Variants in CIDEA observed in about 807,000 individuals in gnomAD.
CIDEA encodes the protein lipid transferase CIDEA.
A neutral mutation model predicts 18.2 loss-of-function variants in CIDEA; 10 were observed. The observed-to-expected ratio is 0.55, with a 90% CI of 0.34 to 0.93. The LOEUF (loss-of-function observed/expected upper bound fraction) is 0.93, where lower values mean the gene tolerates loss of function less well. CIDEA is among the 40% of genes least tolerant of loss of function. The pLI is 0.02. For synonymous variants in CIDEA, 128 were observed against 124.8 expected (o/e 1.03, Z -0.17); for missense variants, 309 against 293.1 (o/e 1.05, Z -0.40).
intron 1 of CIDEA, among the ~76,000 whole-genome samples, chr18:12,260,355 A>G (rs534777321): frequency 7.1e-6 from 1 of 140,130 alleles, no homozygotes; most frequent in African/African-American, 2.5e-5. Context: ...TTTTTTTTCA[A>G]TTTATTTTTT....
chr18:12,272,139 A>AGT (rs1306706787), intron 3 of CIDEA, among the ~76,000 whole-genome samples: 1,769 of 8,444 alleles, frequency 0.21, 235 homozygotes, highest in East Asian at 0.29. Flanking sequence ...CTCAGCTTTG[A>AGT]GTGTGTGTGT....
chr18:12,263,003 C>T, intron 2 of CIDEA, 34 bp downstream of exon 2: 1 of 1,608,754 alleles, frequency 6.2e-7, no homozygotes, highest in African/African-American at 1.3e-5. Flanking sequence ...CCCCAGTCCA[C>T]AGGGGTGCCC....
intron 3 of CIDEA, among the ~76,000 whole-genome samples, chr18:12,267,024 G>A (rs1286736807): frequency 2.6e-5 from 4 of 152,154 alleles, no homozygotes; most frequent in African/African-American, 9.7e-5. Context: ...CTCCCAAAGT[G>A]CTGGGATTAC....
rs544116580 is a variant in CIDEA at position 12,276,748 on chromosome 18, C to T, written c.513-375C>T. On this transcript the variant is annotated intron_variant, in intron 4 of 4. Transcript: ENST00000320477. ...AGGGCCCCTAGAACAGCCCAGCAGC[C>T]GAAGCCCAGGACACAGCACACCTGT... 2.2e-3 allele frequency among the ~76,000 whole-genome samples: 328 copies of T among 152,318 alleles called. 1 individual carries two copies. The highest frequency in any genetic ancestry group is 4.4e-3 in the South Asian group (21 of 4,824).
chr18:12,275,255 G>A (rs79877641), intron 4 of CIDEA, among the ~76,000 whole-genome samples: 6 of 152,302 alleles, frequency 3.9e-5, no homozygotes, highest in Admixed American at 2.0e-4. Flanking sequence ...CCCAGGAGGC[G>A]GAGGTTGCAG....
At chr18:12,266,484 A>C (rs1912352118) in intron 3 of CIDEA, among the ~76,000 whole-genome samples, 1 of 152,192 alleles carries the variant, frequency 6.6e-6, no homozygotes, top group Non-Finnish European at 1.5e-5. Flanking sequence ...AAAAGGAACA[A>C]GAGCTAATAA....
chr18:12,275,538 GT>G, intron 4 of CIDEA, among the ~76,000 whole-genome samples: 1 of 152,332 alleles, frequency 6.6e-6, no homozygotes, highest in African/African-American at 2.4e-5. Flanking sequence ...AAGTCGAAAA[GT>G]TTTGCAGCTG....
intron 4 of CIDEA, among the ~76,000 whole-genome samples, chr18:12,275,620 C>T (rs192435752): frequency 3.3e-5 from 5 of 152,294 alleles, no homozygotes; most frequent in East Asian, 3.9e-4. Flanking sequence ...GTGTTGTTTC[C>T]GTCCCCCGTG....
At chr18:12,259,160 G>A (rs796437041) in intron 1 of CIDEA, among the ~76,000 whole-genome samples, 8 of 152,324 alleles carry the variant, frequency 5.3e-5, no homozygotes, top group African/African-American at 1.9e-4. Flanking sequence ...CCTGGCAAAC[G>A]TGTGCGGGTC....
intron 3 of CIDEA, among the ~76,000 whole-genome samples, chr18:12,267,562 C>T (rs1912385890): frequency 6.6e-6 from 1 of 152,222 alleles, no homozygotes; most frequent in Admixed American, 6.5e-5. Context: ...GGCATGATCT[C>T]GGCTCACTGC....
chr18:12,258,555 T>C (rs957779001), intron 1 of CIDEA, among the ~76,000 whole-genome samples: 2 of 152,198 alleles, frequency 1.3e-5, no homozygotes, highest in Non-Finnish European at 2.9e-5. Flanking sequence ...TGTGCAAGAC[T>C]GTGGTGACTT....
chr18:12,267,037 G>T (rs1912370452), intron 3 of CIDEA, among the ~76,000 whole-genome samples: 1 of 152,182 alleles, frequency 6.6e-6, no homozygotes, highest in African/African-American at 2.4e-5. Flanking sequence ...GGGATTACAG[G>T]TGTGAGCCAC....
In CIDEA at chr18:12,262,948, C is replaced by T; in HGVS notation, c.162C>T (p.Ser54=). 1.2e-6 allele frequency: 2 copies of T among 1,614,120 alleles called. No homozygotes were observed. The highest frequency in any genetic ancestry group is 2.2e-5 in the East Asian group (1 of 44,882). ...GCCGGCGTGGGGTGATGGCAAGCAGCCTGCAGGAGCTCATCAGCAAGGTGC... is the reference window on the plus strand; with the variant it reads ...GCCGGCGTGGGGTGATGGCAAGCAGTCTGCAGGAGCTCATCAGCAAGGTGC... ...RSSRRGVMAS[S]LQELISKTLD... is the part of the protein sequence containing the mutation. Residue 54 remains serine, a synonymous_variant, in exon 2 of 5, where the codon AGC becomes AGT. Coordinates refer to ENST00000320477, the MANE Select transcript of CIDEA (RefSeq NM_001279.4).
intron 1 of CIDEA, chr18:12,255,106 C>T (rs563952395): frequency 5.1e-5 from 19 of 370,066 alleles, no homozygotes; most frequent in African/African-American, 3.4e-4. Flanking sequence ...GCAGCATTGG[C>T]TATTTTCCTG....
At chr18:12,256,365 A>C (rs1912034581) in intron 1 of CIDEA, among the ~76,000 whole-genome samples, 1 of 152,208 alleles carries the variant, frequency 6.6e-6, no homozygotes, top group Non-Finnish European at 1.5e-5. Context: ...GAACCGAATC[A>C]ATGTGCACAA....
chr18:12,254,468 TG>T, intron 1 of CIDEA, 47 bp downstream of exon 1: 1 of 1,585,358 alleles, frequency 6.3e-7, no homozygotes. Context: ...CCAATCGCCT[TG>T]CGTTCGGTGG....
In CIDEA at chr18:12,277,366, A is replaced by G. The variant is rs1232898876; in HGVS notation, c.*96A>G. 1.8e-5 allele frequency: 24 copies of G among 1,350,302 alleles called. No homozygotes were observed. Among genetic ancestry groups the G allele is most frequent in the Non-Finnish European group, 2.3e-5 (22 of 974,522 alleles). The allele number at this position is 1,350,302 out of a possible 1,614,324, so 83.6% of individuals were successfully genotyped here. On this transcript the variant is annotated 3_prime_UTR_variant, in exon 5 of 5. Transcript: ENST00000320477. ...TGCTTTTATGTTCTGAGCCACATGCACTTGGAGGCCGCTGGTCACGCTGCT... is the reference window on the plus strand; with the variant it reads ...TGCTTTTATGTTCTGAGCCACATGCGCTTGGAGGCCGCTGGTCACGCTGCT...
intron 4 of CIDEA, among the ~76,000 whole-genome samples, 192 bp from the exon 5 acceptor site, chr18:12,276,931 C>T (rs1219377216): frequency 6.6e-6 from 1 of 152,218 alleles, no homozygotes; most frequent in Non-Finnish European, 1.5e-5. Context: ...TGGCCAGACC[C>T]ACTGCCACGG....
intron 1 of CIDEA, among the ~76,000 whole-genome samples, chr18:12,255,358 G>T (rs1334316167): frequency 6.6e-6 from 1 of 152,144 alleles, no homozygotes. Context: ...GAAAGGGAGC[G>T]GTCCGGCTAC....
Sources: gnomAD v4.1 joint callset for allele counts (sites outside exome capture counted in the v4.1 genomes callset) on GRCh38, gnomAD v4.1.1 for gene constraint, MANE v1.5 for transcripts, NCBI Gene and HGNC (gene_info 2026-07-23, HGNC 2026-07-21) for gene names.